SLC15A2: variants seen among roughly 807,000 people sequenced by gnomAD.
SLC15A2 encodes solute carrier family 15 member 2, also known as kidney H(+)/peptide cotransporter.
A neutral mutation model predicts 95.5 loss-of-function variants in SLC15A2; 77 were observed. That is an observed-to-expected ratio of 0.81 (90% CI 0.67 to 0.97). The LOEUF (loss-of-function observed/expected upper bound fraction) is 0.97, where lower values mean the gene tolerates loss of function less well. Ranked by LOEUF, SLC15A2 falls within the 50% of genes least tolerant of loss-of-function variation. SLC15A2 has a pLI of 0.00. For synonymous variants in SLC15A2, 306 were observed against 306.9 expected (o/e 1.00, Z 0.03); for missense variants, 893 against 874.4 (o/e 1.02, Z -0.27).
At chr3:121,900,085 C>T (rs972607316) in intron 3 of SLC15A2, among the ~76,000 whole-genome samples, 2 of 152,124 alleles carry the variant, frequency 1.3e-5, no homozygotes, top group African/African-American at 4.8e-5. Flanking sequence ...CAGGTTATAA[C>T]TTTTACCCTC....
Position 121,922,946 on chromosome 3 carries a change from T to A in SLC15A2, c.867+85T>A, listed in dbSNP as rs908555069. ...TGATTCTATCCTACTGCATTCAACC[T>A]CCTCTCTACTGTTTTTTGGACACTT... On this transcript the variant is annotated intron_variant, in intron 9 of 21. Coordinates refer to ENST00000489711, the MANE Select transcript of SLC15A2 (RefSeq NM_021082.4). 6.0e-5 allele frequency: 92 copies of A among 1,531,598 alleles called. No individual in the cohort carries two copies. In the African/African-American group the frequency reaches 1.1e-3, roughly 18 times the overall value. The allele number at this position is 1,531,598 out of a possible 1,614,324, so 94.9% of individuals were successfully genotyped here. A position where few individuals can be genotyped will look rare whatever the true frequency, so the allele number is the denominator to read the frequency against.
At chr3:121,927,455 A>G (rs1395719783) in intron 13 of SLC15A2, among the ~76,000 whole-genome samples, 3 of 152,162 alleles carry the variant, frequency 2.0e-5, no homozygotes, top group Non-Finnish European at 4.4e-5. Flanking sequence ...GGCACCTCCC[A>G]TCTCCTCGCT....
Position 121,927,800 on chromosome 3 carries a change from G to C in SLC15A2, c.1167G>C (p.Leu389=). Residue 389 remains leucine (L), a synonymous_variant, in exon 14 of 22, where the codon CTG becomes CTC. Coordinates refer to ENST00000489711, the MANE Select transcript of SLC15A2 (RefSeq NM_021082.4). ...KMAVGMILAC[L]AFAVAAAVEI... Reference sequence around the variant, plus strand: ...CTGTTGGTATGATCCTAGCATGCCTGGCATTTGCAGTTGCGGCAGCTGTAG... The same window carrying C: ...CTGTTGGTATGATCCTAGCATGCCTCGCATTTGCAGTTGCGGCAGCTGTAG... 1.2e-6 allele frequency: 2 copies of C among 1,613,970 alleles called. No homozygotes were observed.
At chr3:121,898,966 T>C (rs1709472705) in intron 3 of SLC15A2, among the ~76,000 whole-genome samples, 1 of 152,176 alleles carries the variant, frequency 6.6e-6, no homozygotes, top group African/African-American at 2.4e-5. Flanking sequence ...GTAGCTGAGA[T>C]CTACATTTGC....
chr3:121,932,319 G>A (rs1559853421), intron 19 of SLC15A2, among the ~76,000 whole-genome samples: 2 of 152,206 alleles, frequency 1.3e-5, no homozygotes, highest in Non-Finnish European at 2.9e-5. Context: ...CCATCACTGT[G>A]AGATGCCACA....
chr3:121,926,740 A>G (rs990694855), intron 13 of SLC15A2, among the ~76,000 whole-genome samples: 4 of 152,192 alleles, frequency 2.6e-5, no homozygotes, highest in African/African-American at 9.7e-5. Context: ...CCCCAGAATG[A>G]TAGACCCACT....
chr3:121,934,813 G>GGA (rs1230573003), intron 19 of SLC15A2, among the ~76,000 whole-genome samples: 1 of 152,112 alleles, frequency 6.6e-6, no homozygotes, highest in East Asian at 1.9e-4. Flanking sequence ...GAATAGGAGT[G>GGA]GAGAGAGAGG....
intron 7 of SLC15A2, among the ~76,000 whole-genome samples, chr3:121,918,220 A>G (rs1446154364): frequency 6.6e-6 from 1 of 152,208 alleles, no homozygotes; most frequent in Non-Finnish European, 1.5e-5. Context: ...TGGTTGAATT[A>G]ACAAACCTTA....
chr3:121,909,252 G>C (rs377672797), intron 3 of SLC15A2, among the ~76,000 whole-genome samples: 9 of 151,870 alleles, frequency 5.9e-5, no homozygotes, highest in African/African-American at 1.9e-4. Context: ...TAGTGGAGGT[G>C]GGGTTTCACT....
At position 121,895,577 on chromosome 3, in the gene SLC15A2, A is replaced by G. The variant is rs1025708180; in HGVS notation, c.106-829A>G. 8.5e-5 allele frequency among the ~76,000 whole-genome samples: 13 copies of G among 152,328 alleles called. No individual in the cohort carries two copies. The East Asian group carries it at 2.5e-3, about 29-fold the overall frequency. On this transcript the variant is annotated intron_variant, in intron 1 of 21. Coordinates refer to ENST00000489711, the MANE Select transcript of SLC15A2 (RefSeq NM_021082.4). ...ACTTGCAAAGATGTATATACTTCTC[A>G]TGAAATGAGGCAATATAAATCTTAC...
intron 3 of SLC15A2, 112 bp from the exon 4 acceptor site, chr3:121,911,462 T>C: frequency 1.2e-5 from 7 of 598,126 alleles, no homozygotes; most frequent in South Asian, 4.4e-5. Flanking sequence ...TCCTCCTCCC[T>C]CCTCCTCCTC....
rs1710180602 is a variant in SLC15A2 at position 121,929,149 on chromosome 3, A to G, written c.1506+3A>G. The G allele has an allele frequency of 1.9e-6, 3 of 1,609,558 alleles. No individual in the cohort carries two copies. The South Asian group carries it at 3.3e-5, about 18-fold the overall frequency. On this transcript the variant is annotated splice_donor_region_variant and intron_variant, in intron 16 of 21. Coordinates refer to ENST00000489711, the MANE Select transcript of SLC15A2 (RefSeq NM_021082.4). ...GGAACAGTATCTCCAGCATGATGGT[A>G]ATTTGAGGAATTGCCTGTGTTTTCA...
intron 13 of SLC15A2, among the ~76,000 whole-genome samples, chr3:121,926,812 A>G (rs530874770): frequency 3.3e-5 from 5 of 152,370 alleles, no homozygotes; most frequent in African/African-American, 1.2e-4. Flanking sequence ...GAGCAGCCAC[A>G]GGGGCTGAAC....
rs927125903 is a variant in SLC15A2, at chr3:121,940,999, A to T, written c.2182A>T (p.Lys728Ter). The T allele has an allele frequency of 3.1e-6, 5 of 1,613,004 alleles. No homozygotes were observed. In the African/African-American group the frequency reaches 6.7e-5, roughly 22 times the overall value. ...NMIKLETKKT[K>*]L is the part of the protein sequence containing the mutation. ...GATCAAACTAGAGACCAAGAAGACA[A>T]AACTCTGATGACTCCCTAGATTCTG... Residue 728 changes from lysine (K) to a stop codon, truncating the protein, a stop_gained, in exon 22 of 22, where the codon AAA becomes TAA. Transcript: ENST00000489711. LOFTEE classifies it high-confidence loss of function.
chr3:121,939,625 A>G, intron 20 of SLC15A2, 130 bp downstream of exon 20: 1 of 633,796 alleles, frequency 1.6e-6, no homozygotes, highest in Non-Finnish European at 2.5e-6. Flanking sequence ...GACCCTGAAC[A>G]TATATGACCT....
rs1040138553 is a variant in SLC15A2, at chr3:121,923,277, G to T, written c.1002+11G>T. 1.9e-6 allele frequency: 3 copies of T among 1,613,028 alleles called. No homozygotes were observed. The African/African-American group carries it at 4.0e-5, about 22-fold the overall frequency. On this transcript the variant is annotated intron_variant, in intron 11 of 21. Transcript: ENST00000489711. ...ATGAATAGGAATTTGGTGAGTAGAA[G>T]AGATTTTCCAGAGAAGTCTATTATT... is the stretch of plus-strand genomic sequence containing the variant.
chr3:121,914,773 G>A (rs9863155), intron 5 of SLC15A2, among the ~76,000 whole-genome samples: 67,105 of 150,530 alleles, frequency 0.45, 15,500 homozygotes, highest in East Asian at 0.69. Context: ...CAGGAGAATG[G>A]CTTGAGCCCG....
At position 121,894,571 on chromosome 3, in the gene SLC15A2, A is replaced by T. The variant is rs773675866; in HGVS notation, c.95A>T (p.Lys32Met). 2 of 1,613,540 alleles carry T rather than the reference A, an allele frequency of 1.2e-6. No individual in the cohort carries two copies. The highest frequency in any genetic ancestry group is 1.7e-6 in the Non-Finnish European group (2 of 1,179,586). The change falls in exon 1 of 22, where the codon AAG becomes ATG. Residue 32 changes from lysine (K) to methionine (M), a missense_variant. Lys to Met is a moderately conservative substitution (Grantham distance 95, BLOSUM62 -1). Coordinates refer to ENST00000489711, the MANE Select transcript of SLC15A2 (RefSeq NM_021082.4). ...VPPRPPSPPKKPSPTICGSNY... is the reference protein window; with the variant it reads ...VPPRPPSPPKMPSPTICGSNY... ...CCTCGACCACCTAGCCCTCCAAAGA[A>T]GCCATCTCCGGTGAGTCCTTAGATT...
At chr3:121,920,976 T>C in intron 7 of SLC15A2, among the ~76,000 whole-genome samples, 1 of 152,220 alleles carries the variant, frequency 6.6e-6, no homozygotes, top group East Asian at 1.9e-4. Flanking sequence ...TTTCTACTGA[T>C]TTTAATTGAA....
Sources: allele counts gnomAD v4.1 joint callset (sites outside exome capture counted in the v4.1 genomes callset), GRCh38; gene constraint gnomAD v4.1.1; transcripts MANE v1.5; gene names NCBI Gene and HGNC (gene_info 2026-07-23, HGNC 2026-07-21).